The following COL19A1 variants were observed in gnomAD, a reference collection of about 807,000 sequenced individuals.
COL19A1 encodes the protein collagen type XIX alpha 1 chain.
A neutral mutation model predicts 190.2 loss-of-function variants in COL19A1; 159 were observed. The ratio of observed to expected loss-of-function variants is 0.84; its 90% confidence interval spans 0.73 to 0.95. The LOEUF (loss-of-function observed/expected upper bound fraction) is 0.95, where lower values mean the gene tolerates loss of function less well. Among genes scored for constraint, COL19A1 ranks in the 40% least tolerant of loss-of-function variants. The probability of loss-of-function intolerance (pLI) is 0.00; values close to 1 mark genes in which losing one functional copy is unlikely to be tolerated. For missense variants in COL19A1, 1,418 were observed against 1,431.9 expected, an observed-to-expected ratio of 0.99 and a Z score of 0.16; for synonymous variants, 509 against 458.9, an observed-to-expected ratio of 1.11 and a Z score of -1.39.
At chr6:69,943,413 T>C (rs1773596332) in intron 9 of COL19A1, among the ~76,000 whole-genome samples, 1 of 152,130 alleles carries the variant, frequency 6.6e-6, no homozygotes, top group African/African-American at 2.4e-5. Context: ...TATTGCAATA[T>C]GGTCCCATTT....
intron 46 of COL19A1, among the ~76,000 whole-genome samples, chr6:70,187,170 G>A (rs898144088): frequency 5.9e-5 from 9 of 152,172 alleles, no homozygotes; most frequent in Admixed American, 3.3e-4. Context: ...GTGAGCCACC[G>A]CGCCTGGCCC....
intron 16 of COL19A1, among the ~76,000 whole-genome samples, chr6:70,117,148 C>G (rs768992654): frequency 4.6e-5 from 7 of 152,136 alleles, no homozygotes; most frequent in Non-Finnish European, 8.8e-5. Flanking sequence ...GCAGAGTGTG[C>G]TAAAGCTGGA....
intron 15 of COL19A1, among the ~76,000 whole-genome samples, chr6:70,097,236 T>A (rs919425859): frequency 1.3e-5 from 2 of 152,176 alleles, no homozygotes; most frequent in Non-Finnish European, 2.9e-5. Flanking sequence ...TTTTTAAAGC[T>A]ATTTTTTATT....
chr6:69,916,778 C>A (rs1771339189), intron 4 of COL19A1, among the ~76,000 whole-genome samples: 1 of 151,964 alleles, frequency 6.6e-6, no homozygotes, highest in South Asian at 2.1e-4. Context: ...CTCATAGTGC[C>A]AAAATATTAC....
chr6:70,105,314 C>T (rs1486796627), intron 16 of COL19A1, among the ~76,000 whole-genome samples: 2 of 152,104 alleles, frequency 1.3e-5, no homozygotes, highest in East Asian at 1.9e-4. Context: ...CGCACCACCA[C>T]GCCCAGCCAA....
At chr6:70,067,279 G>A (rs553556036) in intron 14 of COL19A1, among the ~76,000 whole-genome samples, 2 of 152,152 alleles carry the variant, frequency 1.3e-5, no homozygotes, top group South Asian at 4.1e-4. Context: ...TATGGGAGCA[G>A]CAGGAGTGGA....
chr6:70,054,866 A>G (rs959299736), intron 14 of COL19A1, among the ~76,000 whole-genome samples: 3 of 152,196 alleles, frequency 2.0e-5, no homozygotes, highest in Non-Finnish European at 4.4e-5. Flanking sequence ...ATAATTAAGC[A>G]TAACTTTTAA....
At chr6:70,046,218 G>A (rs1779907179) in intron 14 of COL19A1, among the ~76,000 whole-genome samples, 1 of 152,026 alleles carries the variant, frequency 6.6e-6, no homozygotes, top group South Asian at 2.1e-4. Flanking sequence ...ATTACTACTT[G>A]GTCCTAGTTA....
At chr6:69,963,421 T>C (rs577280715) in intron 11 of COL19A1, among the ~76,000 whole-genome samples, 1 of 152,304 alleles carries the variant, frequency 6.6e-6, no homozygotes, top group South Asian at 2.1e-4. Context: ...ACAGCAGACC[T>C]CTTAAACCCC....
chr6:70,111,545 C>G (rs1194040350), intron 16 of COL19A1, among the ~76,000 whole-genome samples: 1 of 152,100 alleles, frequency 6.6e-6, no homozygotes, highest in African/African-American at 2.4e-5. Context: ...TAGAATAGTT[C>G]AAATTCATTT....
At chr6:70,083,528 C>A (rs1782403209) in intron 15 of COL19A1, among the ~76,000 whole-genome samples, 1 of 152,102 alleles carries the variant, frequency 6.6e-6, no homozygotes, top group African/African-American at 2.4e-5. Flanking sequence ...CCAGTCCTTT[C>A]CCATAGAATT....
chr6:70,169,751 A>G (rs1297740546), intron 40 of COL19A1, among the ~76,000 whole-genome samples: 1 of 152,128 alleles, frequency 6.6e-6, no homozygotes, highest in Non-Finnish European at 1.5e-5. Flanking sequence ...TATACGCTTC[A>G]TTCTAATTTT....
intron 40 of COL19A1, among the ~76,000 whole-genome samples, 158 bp downstream of exon 40, chr6:70,168,839 C>T (rs1173272990): frequency 6.6e-6 from 1 of 152,152 alleles, no homozygotes; most frequent in Admixed American, 6.5e-5. Flanking sequence ...GCAATATGTT[C>T]TCTGTTTCTG....
At chr6:70,194,828 G>C (rs2150301788) in intron 48 of COL19A1, among the ~76,000 whole-genome samples, 1 of 152,144 alleles carries the variant, frequency 6.6e-6, no homozygotes, top group Non-Finnish European at 1.5e-5. Flanking sequence ...GGACCAATAA[G>C]CCCACACCTC....
At chr6:70,079,508 C>T (rs1782104926) in intron 15 of COL19A1, among the ~76,000 whole-genome samples, 1 of 151,940 alleles carries the variant, frequency 6.6e-6, no homozygotes, top group South Asian at 2.1e-4. Context: ...TTGGGTAAAC[C>T]TATATATAGG....
intron 4 of COL19A1, among the ~76,000 whole-genome samples, chr6:69,921,073 A>C (rs1289119242): frequency 8.9e-6 from 1 of 111,882 alleles, no homozygotes; most frequent in African/African-American, 3.3e-5. Context: ...ATTCATAGAC[A>C]TATCATATAT....
intron 47 of COL19A1, 85 bp downstream of exon 47, chr6:70,188,330 C>A (rs1766656075): frequency 7.0e-7 from 1 of 1,433,776 alleles, no homozygotes; most frequent in Non-Finnish European, 9.2e-7. Flanking sequence ...TACTGCCTTT[C>A]AAATAAATAA....
intron 4 of COL19A1, among the ~76,000 whole-genome samples, chr6:69,905,722 G>T (rs959876457): frequency 2.0e-5 from 3 of 152,176 alleles, no homozygotes; most frequent in African/African-American, 7.2e-5. Context: ...GCACAGCCGT[G>T]TTCCTTACAA....
chr6:70,051,235 T>A (rs181673973), intron 14 of COL19A1, among the ~76,000 whole-genome samples: 1 of 152,106 alleles, frequency 6.6e-6, no homozygotes, highest in Non-Finnish European at 1.5e-5. Flanking sequence ...AATATTTAAG[T>A]CAGACACATG....
Sources: allele counts gnomAD v4.1 joint callset (sites outside exome capture counted in the v4.1 genomes callset), GRCh38; gene constraint gnomAD v4.1.1; transcripts MANE v1.5; gene names NCBI Gene and HGNC (gene_info 2026-07-23, HGNC 2026-07-21).